The following MTUS2 variants were observed in gnomAD, a reference collection of about 807,000 sequenced individuals.
The protein encoded by MTUS2 is microtubule associated scaffold protein 2.
Under a neutral mutation model 114.1 loss-of-function variants are expected in MTUS2, and 40 were observed. The ratio of observed to expected loss-of-function variants is 0.35; its 90% CI spans 0.27 to 0.46. The LOEUF (loss-of-function observed/expected upper bound fraction) is 0.46. Among genes scored for constraint, MTUS2 ranks in the 20% least tolerant of loss-of-function variants. The probability of loss-of-function intolerance (pLI) is 1.00; values close to 1 mark genes in which losing one functional copy is unlikely to be tolerated. For synonymous variants in MTUS2, 688 were observed against 672.0 expected, an observed-to-expected ratio of 1.02 and a Z score of -0.37; for missense variants, 1,679 against 1,705.4, an observed-to-expected ratio of 0.98 and a Z score of 0.27.
chr13:29,410,959 G>A (rs914121529), intron 8 of MTUS2, among the ~76,000 whole-genome samples: 4 of 152,182 alleles, frequency 2.6e-5, no homozygotes, highest in African/African-American at 7.2e-5. Context: ...AGCCTCCAGA[G>A]TAGCTGGAGT....
chr13:29,241,041 A>G (rs1896712015), intron 5 of MTUS2, among the ~76,000 whole-genome samples: 1 of 152,190 alleles, frequency 6.6e-6, no homozygotes, highest in South Asian at 2.1e-4. Flanking sequence ...TTATTGACAA[A>G]GAAGAGAGGA....
At chr13:29,249,954 C>G (rs977697032) in intron 5 of MTUS2, among the ~76,000 whole-genome samples, 6 of 152,124 alleles carry the variant, frequency 3.9e-5, no homozygotes, top group Non-Finnish European at 8.8e-5. Context: ...CCATTCAGGA[C>G]ATAGGCATGA....
chr13:28,855,049 T>C (rs1043495274), intron 2 of MTUS2, among the ~76,000 whole-genome samples: 1 of 152,178 alleles, frequency 6.6e-6, no homozygotes, highest in Admixed American at 6.5e-5. Context: ...TCTTCCTTCA[T>C]TGGTTTAGTC....
At position 29,135,390 on chromosome 13, in the gene MTUS2, A is replaced by G. The variant is rs143307224; in HGVS notation, c.2644+34420A>G. On this transcript the variant is annotated intron_variant, in intron 5 of 15. Coordinates refer to ENST00000612955, the MANE Select transcript of MTUS2 (RefSeq NM_001033602.4). ...CTGTTTGCATAGAACATATTTTTCT[A>G]TCCTTTCACTTTCAACCTATTTGTG... 4.9e-4 allele frequency among the ~76,000 whole-genome samples: 74 copies of G among 152,232 alleles called. 1 individual carries two copies. Among genetic ancestry groups the G allele is most frequent in the Admixed American group, 2.6e-3 (40 of 15,290 alleles).
chr13:29,295,802 T>A (rs1270375494), intron 6 of MTUS2, among the ~76,000 whole-genome samples: 3 of 152,174 alleles, frequency 2.0e-5, no homozygotes, highest in African/African-American at 4.8e-5. Context: ...AGGCATTTCT[T>A]ACATGACAGC....
chr13:29,009,672 T>C (rs1885752892), intron 2 of MTUS2, among the ~76,000 whole-genome samples: 1 of 152,202 alleles, frequency 6.6e-6, no homozygotes, highest in African/African-American at 2.4e-5. Flanking sequence ...TGTCAAAACT[T>C]ACAGAACTAT....
chr13:29,410,884 T>G (rs993305615), intron 8 of MTUS2, among the ~76,000 whole-genome samples: 1 of 152,124 alleles, frequency 6.6e-6, no homozygotes, highest in Non-Finnish European at 1.5e-5. Flanking sequence ...CAGGCTGGAG[T>G]GCAGTGGCAC....
intron 2 of MTUS2, among the ~76,000 whole-genome samples, chr13:28,920,832 C>G (rs982163268): frequency 6.6e-6 from 1 of 152,230 alleles, no homozygotes; most frequent in African/African-American, 2.4e-5. Context: ...TGGCCACCAG[C>G]AACACCACCA....
intron 2 of MTUS2, among the ~76,000 whole-genome samples, chr13:28,902,997 T>G (rs769869028): frequency 6.6e-6 from 1 of 152,116 alleles, no homozygotes; most frequent in Non-Finnish European, 1.5e-5. Flanking sequence ...AACTCTTCAG[T>G]AGTTTATAGG....
intron 2 of MTUS2, among the ~76,000 whole-genome samples, chr13:28,911,173 C>CTTTTTTTTTT (rs35468877): frequency 6.3e-5 from 5 of 79,638 alleles, no homozygotes; most frequent in Admixed American, 1.5e-4. Flanking sequence ...CTGCGCCCTG[C>CTTTTTTTTTT]TTTTTTTTTT....
At chr13:28,996,454 A>G (rs1885110150) in intron 2 of MTUS2, among the ~76,000 whole-genome samples, 1 of 152,094 alleles carries the variant, frequency 6.6e-6, no homozygotes, top group Non-Finnish European at 1.5e-5. Context: ...TATTGATTGG[A>G]ATAGTTTCAG....
At chr13:28,825,840 G>A (rs1367035056) in intron 1 of MTUS2, among the ~76,000 whole-genome samples, 1 of 152,162 alleles carries the variant, frequency 6.6e-6, no homozygotes, top group African/African-American at 2.4e-5. Context: ...GGTGGGTAGG[G>A]AGCATCACAG....
intron 6 of MTUS2, chr13:29,306,652 T>C (rs1253808028): frequency 9.1e-6 from 2 of 219,668 alleles, no homozygotes; most frequent in African/African-American, 4.6e-5. Flanking sequence ...CACAAACAAA[T>C]GGAAAAACAT....
Position 28,899,852 on chromosome 13 carries a change from T to C in MTUS2, c.-243+60002T>C, listed in dbSNP as rs186974038. On this transcript the variant is annotated intron_variant, in intron 2 of 15. Transcript: ENST00000612955. ...GGAGGCTGCCCGATTCATGAATTGT[T>C]CTTTGCTCAATTAAACTTTTTTAAA... 2.3e-3 allele frequency among the ~76,000 whole-genome samples: 345 copies of C among 152,256 alleles called. 3 individuals are homozygous for C. Among genetic ancestry groups the C allele is most frequent in the African/African-American group, 7.8e-3 (326 of 41,554 alleles).
intron 5 of MTUS2, among the ~76,000 whole-genome samples, chr13:29,182,270 C>T (rs547534298): frequency 3.9e-4 from 60 of 152,342 alleles, no homozygotes; most frequent in African/African-American, 1.4e-3. Context: ...AAAGTTTAGC[C>T]AAAACTGGGC....
intron 1 of MTUS2, among the ~76,000 whole-genome samples, chr13:28,822,977 G>A (rs908578726): frequency 4.6e-5 from 7 of 152,328 alleles, no homozygotes; most frequent in Admixed American, 2.0e-4. Context: ...TCTTTGCCTC[G>A]TGATCGCACA....
intron 5 of MTUS2, among the ~76,000 whole-genome samples, chr13:29,198,778 T>A (rs1287858004): frequency 6.6e-6 from 1 of 152,214 alleles, no homozygotes; most frequent in Non-Finnish European, 1.5e-5. Flanking sequence ...GAAGAAGTTC[T>A]TCACATCCCT....
chr13:29,212,957 C>G (rs1386836306), intron 5 of MTUS2, among the ~76,000 whole-genome samples: 2 of 152,110 alleles, frequency 1.3e-5, no homozygotes, highest in Admixed American at 1.3e-4. Flanking sequence ...CTTGGTCTTC[C>G]TAGTGACCAG....
chr13:29,394,676 A>G (rs975778801), intron 8 of MTUS2, among the ~76,000 whole-genome samples: 63 of 152,220 alleles, frequency 4.1e-4, no homozygotes, highest in African/African-American at 1.5e-3. Context: ...ACTGGTACCC[A>G]TCCTGGTTCT....
Sources: gnomAD v4.1 joint callset for allele counts (sites outside exome capture counted in the v4.1 genomes callset) on GRCh38, gnomAD v4.1.1 for gene constraint, MANE v1.5 for transcripts, NCBI Gene and HGNC (gene_info 2026-07-23, HGNC 2026-07-21) for gene names.